Variants in KATNBL1 observed in about 807,000 individuals in gnomAD.
The protein encoded by KATNBL1 is katanin regulatory subunit B1 like 1.
A neutral mutation model predicts 44.7 loss-of-function variants in KATNBL1; 28 were observed. That is an observed-to-expected ratio of 0.63 (90% CI 0.46 to 0.86). KATNBL1 has a LOEUF of 0.86. Among genes scored for constraint, KATNBL1 ranks in the 40% least tolerant of loss-of-function variants. The pLI, the probability that KATNBL1 is intolerant of heterozygous loss-of-function variation, is 0.00. For missense variants in KATNBL1, 272 were observed against 350.7 expected (o/e 0.78, Z 1.79); for synonymous variants, 78 against 114.9 (o/e 0.68, Z 2.06).
chr15:34,208,336 T>C (rs1307981924), intron 1 of KATNBL1, among the ~76,000 whole-genome samples: 1 of 152,228 alleles, frequency 6.6e-6, no homozygotes, highest in African/African-American at 2.4e-5. Context: ...TCTACCACCC[T>C]GTTGGGCATA....
chr15:34,152,454 G>A (rs1331779985), intron 4 of KATNBL1, among the ~76,000 whole-genome samples: 2 of 152,164 alleles, frequency 1.3e-5, no homozygotes, highest in South Asian at 2.1e-4. Context: ...CACCCACCTC[G>A]GGCTCCAGGC....
chr15:34,160,853 C>T (rs1888778982), intron 2 of KATNBL1, among the ~76,000 whole-genome samples: 2 of 152,120 alleles, frequency 1.3e-5, no homozygotes, highest in African/African-American at 2.4e-5. Flanking sequence ...GCCTTCCCGA[C>T]TACTGGAGGT....
chr15:34,191,767 GA>G (rs758426494), intron 1 of KATNBL1, among the ~76,000 whole-genome samples: 4 of 151,834 alleles, frequency 2.6e-5, no homozygotes, highest in Non-Finnish European at 5.9e-5. Flanking sequence ...CTAACACGGT[GA>G]AACCCCGTTT....
intron 4 of KATNBL1, 126 bp from the exon 5 acceptor site, chr15:34,148,876 C>A: frequency 3.4e-6 from 2 of 584,876 alleles, no homozygotes; most frequent in African/African-American, 1.9e-5. Context: ...TACTAGCCCA[C>A]AAAAAGGAAT....
At chr15:34,190,069 T>C (rs1490220253) in intron 1 of KATNBL1, among the ~76,000 whole-genome samples, 1 of 152,002 alleles carries the variant, frequency 6.6e-6, no homozygotes, top group Non-Finnish European at 1.5e-5. Context: ...CTCAGCCTCC[T>C]GAGTAGCTGG....
At chr15:34,196,308 C>T (rs1347839166) in intron 1 of KATNBL1, among the ~76,000 whole-genome samples, 1 of 152,148 alleles carries the variant, frequency 6.6e-6, no homozygotes, top group Non-Finnish European at 1.5e-5. Context: ...ATCCCAGCTG[C>T]TTGGGAGGCT....
intron 2 of KATNBL1, among the ~76,000 whole-genome samples, chr15:34,159,504 C>T (rs1196650001): frequency 1.3e-5 from 2 of 152,208 alleles, no homozygotes; most frequent in African/African-American, 4.8e-5. Context: ...GTTCAAGAAG[C>T]TCATCATGGA....
chr15:34,171,039 A>G (rs944564944), intron 1 of KATNBL1, among the ~76,000 whole-genome samples: 2 of 152,190 alleles, frequency 1.3e-5, no homozygotes, highest in Non-Finnish European at 2.9e-5. Flanking sequence ...GGACTTCATG[A>G]CTAAAACACC....
At chr15:34,189,947 CTT>C (rs61022097) in intron 1 of KATNBL1, among the ~76,000 whole-genome samples, 238 of 141,866 alleles carry the variant, frequency 1.7e-3, no homozygotes, top group Non-Finnish European at 1.6e-3. Flanking sequence ...GAAGTACATT[CTT>C]TTTTTTTTTT....
chr15:34,208,763 T>C (rs1890357473), intron 1 of KATNBL1: 2 of 152,226 alleles, frequency 1.3e-5, no homozygotes, highest in Admixed American at 6.5e-5. Flanking sequence ...AATGAATGTA[T>C]GTGTACACAA....
intron 1 of KATNBL1, among the ~76,000 whole-genome samples, chr15:34,182,413 A>G (rs1355507680): frequency 2.0e-5 from 3 of 152,210 alleles, no homozygotes; most frequent in Non-Finnish European, 4.4e-5. Flanking sequence ...CAAATTTGAC[A>G]GCATTGTAAA....
chr15:34,152,396 G>A (rs1888508968), intron 4 of KATNBL1, among the ~76,000 whole-genome samples: 7 of 152,086 alleles, frequency 4.6e-5, no homozygotes, highest in Admixed American at 4.6e-4. Flanking sequence ...TAGAGGCAGG[G>A]TTTCACCATG....
chr15:34,196,681 T>C (rs1201053911), intron 1 of KATNBL1, among the ~76,000 whole-genome samples: 1 of 151,642 alleles, frequency 6.6e-6, no homozygotes, highest in African/African-American at 2.4e-5. Context: ...TGAGCTGAGA[T>C]TGCACCACTG....
chr15:34,193,881 T>C (rs1303597163), intron 1 of KATNBL1, among the ~76,000 whole-genome samples: 3 of 55,244 alleles, frequency 5.4e-5, no homozygotes, highest in Admixed American at 2.1e-4. Context: ...AAAAAAAAAA[T>C]CACCAGCAAA....
intron 1 of KATNBL1, among the ~76,000 whole-genome samples, chr15:34,179,833 G>C (rs534993731): frequency 6.6e-6 from 1 of 152,096 alleles, no homozygotes; most frequent in Admixed American, 6.5e-5. Flanking sequence ...CAACAAACAC[G>C]AATTATTTTT....
intron 1 of KATNBL1, among the ~76,000 whole-genome samples, chr15:34,183,846 T>C (rs1889635190): frequency 6.6e-6 from 1 of 152,190 alleles, no homozygotes; most frequent in Non-Finnish European, 1.5e-5. Flanking sequence ...CATTAAATCT[T>C]TTACAAGAAG....
intron 2 of KATNBL1, among the ~76,000 whole-genome samples, chr15:34,157,502 C>T (rs1337395218): frequency 6.6e-6 from 1 of 152,124 alleles, no homozygotes; most frequent in South Asian, 2.1e-4. Flanking sequence ...GCTAAAAGAC[C>T]TTTAGTTCTG....
chr15:34,173,004 A>T (rs1889218192), intron 1 of KATNBL1, among the ~76,000 whole-genome samples: 1 of 152,124 alleles, frequency 6.6e-6, no homozygotes, highest in Non-Finnish European at 1.5e-5. Context: ...GGGACAAAAA[A>T]CCCAACAAAA....
At chr15:34,181,714 ACATATATATG>A (rs1567532177) in intron 1 of KATNBL1, among the ~76,000 whole-genome samples, 11 of 9,820 alleles carry the variant, frequency 1.1e-3, no homozygotes, top group Non-Finnish European at 1.1e-3. Context: ...ATATATATGG[ACATATATATG>A]TCCATATATA....
Sources: allele counts gnomAD v4.1 joint callset (sites outside exome capture counted in the v4.1 genomes callset), GRCh38; gene constraint gnomAD v4.1.1; transcripts MANE v1.5; gene names NCBI Gene and HGNC (gene_info 2026-07-23, HGNC 2026-07-21).